FRMPD4: variants seen among roughly 807,000 people sequenced by gnomAD.
The protein encoded by FRMPD4 is FERM and PDZ domain containing 4, also known as FERM and PDZ domain-containing protein 4.
FRMPD4 carries 22 observed loss-of-function variants against 94.1 expected under a neutral mutation model. The observed-to-expected ratio is 0.23, with a 90% CI of 0.17 to 0.33. The LOEUF is 0.33. FRMPD4 is among the 10% of genes least tolerant of loss of function. The pLI is 1.00. For synonymous variants in FRMPD4, 631 were observed against 548.6 expected (o/e 1.15, Z -2.10); for missense variants, 1,111 against 1,339.9 (o/e 0.83, Z 2.67).
intron 1 of FRMPD4, among the ~76,000 whole-genome samples, chrX:12,288,663 G>T (rs2054638005): frequency 9.0e-6 from 1 of 111,275 alleles, no homozygotes; most frequent in Non-Finnish European, 1.9e-5. Context: ...ATTTTTCTCT[G>T]CCAAGATGTA....
At chrX:12,649,222 G>A (rs745996371) in intron 4 of FRMPD4, among the ~76,000 whole-genome samples, 6 of 111,982 alleles carry the variant, frequency 5.4e-5, no homozygotes, top group South Asian at 3.8e-4. Flanking sequence ...TACATGCAGC[G>A]TGCGTGGGGA....
chrX:12,185,618 G>A (rs1443715548), intron 1 of FRMPD4, among the ~76,000 whole-genome samples: 1 of 101,976 alleles, frequency 9.8e-6, no homozygotes. Context: ...TTGCTGGAAT[G>A]GGAAACACCT....
intron 2 of FRMPD4, among the ~76,000 whole-genome samples, chrX:12,606,573 C>T (rs186851795): frequency 9.5e-4 from 106 of 111,266 alleles, no homozygotes; most frequent in Non-Finnish European, 1.7e-3. Context: ...TTCCTCAGTC[C>T]CTCTCTATGC....
At chrX:12,574,792 A>G (rs1835222247) in intron 2 of FRMPD4, among the ~76,000 whole-genome samples, 1 of 112,319 alleles carries the variant, frequency 8.9e-6, no homozygotes, top group South Asian at 3.7e-4. Flanking sequence ...CATAGGCATA[A>G]GCACTGTGCC....
intron 3 of FRMPD4, among the ~76,000 whole-genome samples, chrX:12,036,820 T>C (rs1286525971): frequency 8.9e-6 from 1 of 112,143 alleles, no homozygotes; most frequent in East Asian, 2.8e-4. Context: ...TGTTTATTTG[T>C]TTACTGATTT....
chrX:12,122,609 C>A (rs74850753), intron 3 of FRMPD4, among the ~76,000 whole-genome samples: 24 of 95,087 alleles, frequency 2.5e-4, no homozygotes, highest in African/African-American at 9.4e-4. Context: ...TTTTTTTTTT[C>A]ATGAACACTT....
intron 3 of FRMPD4, among the ~76,000 whole-genome samples, chrX:12,065,741 C>T (rs2054860186): frequency 8.9e-6 from 1 of 112,299 alleles, no homozygotes; most frequent in Non-Finnish European, 1.9e-5. Flanking sequence ...CATAGACACA[C>T]CTTATGATTT....
chrX:12,051,130 A>G (rs896192960), intron 3 of FRMPD4, among the ~76,000 whole-genome samples: 10 of 112,022 alleles, frequency 8.9e-5, no homozygotes, highest in Non-Finnish European at 3.8e-5. Context: ...GTATGTTTAT[A>G]GGATACATGT....
chrX:12,085,979 C>T (rs980302278), intron 3 of FRMPD4, among the ~76,000 whole-genome samples: 1 of 111,939 alleles, frequency 8.9e-6, no homozygotes, highest in African/African-American at 3.2e-5. Context: ...CACTCTTAAA[C>T]CTATTATATA....
intron 2 of FRMPD4, among the ~76,000 whole-genome samples, chrX:11,871,526 T>C (rs1304829590): frequency 3.5e-5 from 4 of 112,873 alleles, no homozygotes; most frequent in Non-Finnish European, 7.5e-5. Flanking sequence ...AAGTATATCC[T>C]ATTCCAAATA....
chrX:12,450,156 A>AAATT (rs1195463180), intron 1 of FRMPD4, among the ~76,000 whole-genome samples: 1 of 111,045 alleles, frequency 9.0e-6, no homozygotes, highest in Admixed American at 9.6e-5. Context: ...AAAAGCTACA[A>AAATT]AATTAATAAA....
At chrX:12,447,857 CCTTT>C (rs2057218329) in intron 1 of FRMPD4, among the ~76,000 whole-genome samples, 1 of 112,048 alleles carries the variant, frequency 8.9e-6, no homozygotes, top group African/African-American at 3.2e-5. Flanking sequence ...CACTGTGTTT[CCTTT>C]CTATTTCATC....
chrX:12,641,723 A>T (rs2059501471), intron 4 of FRMPD4, among the ~76,000 whole-genome samples: 1 of 112,462 alleles, frequency 8.9e-6, no homozygotes, highest in African/African-American at 3.2e-5. Flanking sequence ...AGGACTTGGC[A>T]GTGAATTAAT....
Position 12,081,089 on chromosome X carries a change from C to A in FRMPD4, c.95+203071C>A, listed in dbSNP as rs1601924078. ...ATCACCTAGTACAGAGCACATGACCCAAAGACTAGACTATGGTTTACTACA... is the reference window on the plus strand; with the variant it reads ...ATCACCTAGTACAGAGCACATGACCAAAAGACTAGACTATGGTTTACTACA... On this transcript the variant is annotated intron_variant, in intron 3 of 18. Transcript: ENST00000640291. 4.5e-5 allele frequency among the ~76,000 whole-genome samples: 5 copies of A among 111,728 alleles called. No individual in the cohort carries two copies. In the Admixed American group the frequency reaches 4.7e-4, roughly 11 times the overall value.
At chrX:11,829,220 T>A (rs1033107397) in intron 1 of FRMPD4, among the ~76,000 whole-genome samples, 30 of 111,986 alleles carry the variant, frequency 2.7e-4, no homozygotes, top group African/African-American at 9.7e-4. Flanking sequence ...AACATTTGGG[T>A]ACCCCATGGC....
At chrX:12,408,281 G>C (rs1343988757) in intron 1 of FRMPD4, among the ~76,000 whole-genome samples, 1 of 106,647 alleles carries the variant, frequency 9.4e-6, no homozygotes, top group East Asian at 2.9e-4. Context: ...ATTTTTACTT[G>C]CTTTGGTTCC....
At chrX:12,429,349 C>G (rs10284103) in intron 1 of FRMPD4, among the ~76,000 whole-genome samples, 4,305 of 111,365 alleles carry the variant, frequency 0.039, 230 homozygotes, top group African/African-American at 0.13. Flanking sequence ...CTTAATAAAG[C>G]TCTTTCTCCT....
chrX:12,350,934 G>C (rs1275551020), intron 1 of FRMPD4, among the ~76,000 whole-genome samples: 1 of 112,210 alleles, frequency 8.9e-6, no homozygotes, highest in Non-Finnish European at 1.9e-5. Flanking sequence ...CCAACACTTT[G>C]GGAGGCCAAG....
chrX:11,889,397 C>G (rs1446874062), intron 3 of FRMPD4, among the ~76,000 whole-genome samples: 1 of 112,041 alleles, frequency 8.9e-6, no homozygotes, highest in Non-Finnish European at 1.9e-5. Context: ...GTAAGTTGAA[C>G]CATTGTAAGT....
Sources: allele counts gnomAD v4.1 joint callset (sites outside exome capture counted in the v4.1 genomes callset), GRCh38; gene constraint gnomAD v4.1.1; transcripts MANE v1.5; gene names NCBI Gene and HGNC (gene_info 2026-07-23, HGNC 2026-07-21).